The following TAFA1 variants were observed in gnomAD, a reference collection of about 807,000 sequenced individuals.
TAFA1 encodes TAFA chemokine like family member 1.
TAFA1 carries 4 observed loss-of-function variants against 18.5 expected under a neutral mutation model. The ratio of observed to expected loss-of-function variants is 0.22; its 90% confidence interval spans 0.11 to 0.49. The LOEUF is 0.49. Among genes scored for constraint, TAFA1 ranks in the 20% least tolerant of loss-of-function variants. TAFA1 has a pLI of 0.98. For missense variants in TAFA1, 147 were observed against 169.0 expected, an observed-to-expected ratio of 0.87 and a Z score of 0.72; for synonymous variants, 56 against 55.2, an observed-to-expected ratio of 1.01 and a Z score of -0.06.
At chr3:68,297,612 A>G (rs2068232196) in intron 2 of TAFA1, among the ~76,000 whole-genome samples, 1 of 152,194 alleles carries the variant, frequency 6.6e-6, no homozygotes, top group Non-Finnish European at 1.5e-5. Flanking sequence ...TCTTTTAATG[A>G]TAGATATTAT....
chr3:68,314,168 C>G (rs1309814749), intron 2 of TAFA1, among the ~76,000 whole-genome samples: 11 of 152,224 alleles, frequency 7.2e-5, no homozygotes, highest in African/African-American at 9.6e-5. Flanking sequence ...TATGAAAAAT[C>G]TTTAGGAGGA....
At chr3:68,132,400 G>A (rs2065551415) in intron 2 of TAFA1, among the ~76,000 whole-genome samples, 1 of 152,084 alleles carries the variant, frequency 6.6e-6, no homozygotes, top group Admixed American at 6.6e-5. Context: ...CCCAGTAATG[G>A]GATTGCTGGG....
chr3:68,131,763 C>T (rs1326091498), intron 2 of TAFA1, among the ~76,000 whole-genome samples: 8 of 152,170 alleles, frequency 5.3e-5, no homozygotes, highest in Admixed American at 2.6e-4. Context: ...CCAAGAGCCT[C>T]GCTGGGAATC....
intron 2 of TAFA1, among the ~76,000 whole-genome samples, chr3:68,257,705 A>C (rs2067326813): frequency 6.6e-6 from 1 of 152,156 alleles, no homozygotes; most frequent in Non-Finnish European, 1.5e-5. Context: ...AAAGTGGCCA[A>C]CCTTCCCCTA....
chr3:68,032,243 T>C (rs1704950780), intron 2 of TAFA1, among the ~76,000 whole-genome samples: 1 of 152,212 alleles, frequency 6.6e-6, no homozygotes. Flanking sequence ...ACAAACATTT[T>C]CTCTAGATGA....
chr3:68,068,325 C>A (rs1339491989), intron 2 of TAFA1, among the ~76,000 whole-genome samples: 1 of 152,048 alleles, frequency 6.6e-6, no homozygotes, highest in Admixed American at 6.6e-5. Flanking sequence ...TTAATGCATT[C>A]CTCATGGGGT....
chr3:68,500,436 C>A (rs2072637435), intron 3 of TAFA1, among the ~76,000 whole-genome samples: 1 of 152,130 alleles, frequency 6.6e-6, no homozygotes, highest in South Asian at 2.1e-4. Context: ...TATAAAACTT[C>A]TTAATGTCTG....
chr3:68,169,791 G>A (rs569639710), intron 2 of TAFA1, among the ~76,000 whole-genome samples: 2 of 152,270 alleles, frequency 1.3e-5, no homozygotes, highest in South Asian at 2.1e-4. Flanking sequence ...GTAGAGAAAG[G>A]CAACTTCAAT....
At chr3:68,211,096 C>G (rs1452685743) in intron 2 of TAFA1, among the ~76,000 whole-genome samples, 8 of 151,988 alleles carry the variant, frequency 5.3e-5, no homozygotes. Flanking sequence ...GCGAGTGATC[C>G]AAGAGAGAAC....
At position 68,176,894 on chromosome 3, in the gene TAFA1, G is replaced by A. The variant is rs140602567; in HGVS notation, c.118+170150G>A. Among the ~76,000 whole-genome samples, 164 of 152,208 alleles carry A rather than the reference G, an allele frequency of 1.1e-3. 5 individuals are homozygous for A. In the East Asian group the frequency reaches 0.026, roughly 24 times the overall value. ...CAACCTGGGAGTAGATTGTTTACTA[G>A]TTCTGGGAGGAATGTGGGGGGAAAT... On this transcript the variant is annotated intron_variant, in intron 2 of 4. Coordinates refer to ENST00000478136, the MANE Select transcript of TAFA1 (RefSeq NM_213609.4).
intron 4 of TAFA1, among the ~76,000 whole-genome samples, chr3:68,540,586 T>C (rs1246308999): frequency 6.6e-6 from 1 of 152,222 alleles, no homozygotes; most frequent in East Asian, 1.9e-4. Context: ...TTTAAACACA[T>C]TGCTGATATA....
chr3:68,221,843 A>T (rs1242137762), intron 2 of TAFA1, among the ~76,000 whole-genome samples: 1 of 152,176 alleles, frequency 6.6e-6, no homozygotes, highest in Non-Finnish European at 1.5e-5. Flanking sequence ...GACACCACTA[A>T]CAATCACATT....
intron 2 of TAFA1, among the ~76,000 whole-genome samples, chr3:68,341,368 G>A (rs2069079514): frequency 6.6e-6 from 1 of 152,088 alleles, no homozygotes; most frequent in Non-Finnish European, 1.5e-5. Flanking sequence ...AGCCTGTCTG[G>A]GTGGTGTCAG....
intron 3 of TAFA1, among the ~76,000 whole-genome samples, chr3:68,474,566 A>G (rs977085348): frequency 1.3e-5 from 2 of 152,260 alleles, no homozygotes; most frequent in African/African-American, 4.8e-5. Flanking sequence ...CTTGGTCTCT[A>G]GTAACCTGAA....
intron 3 of TAFA1, among the ~76,000 whole-genome samples, chr3:68,486,072 T>TTTTTATTTTTA (rs2072331259): frequency 3.1e-5 from 4 of 127,524 alleles, no homozygotes; most frequent in African/African-American, 1.2e-4. Context: ...TAAATTTTTA[T>TTTTTATTTTTA]TTTTATTTTA....
intron 4 of TAFA1, among the ~76,000 whole-genome samples, chr3:68,544,065 G>T (rs1320809112): frequency 6.6e-6 from 1 of 151,992 alleles, no homozygotes; most frequent in East Asian, 1.9e-4. Context: ...TACATAACAT[G>T]CAAGGCCAGG....
At chr3:68,308,619 A>T (rs941016643) in intron 2 of TAFA1, among the ~76,000 whole-genome samples, 3 of 152,192 alleles carry the variant, frequency 2.0e-5, no homozygotes, top group African/African-American at 7.2e-5. Context: ...TATAGTCAAC[A>T]ATAATGAGGT....
intron 2 of TAFA1, among the ~76,000 whole-genome samples, chr3:68,223,859 G>A (rs2066762277): frequency 1.3e-5 from 2 of 151,920 alleles, no homozygotes; most frequent in South Asian, 2.1e-4. Context: ...GAATCACCAT[G>A]CTTTATTTTA....
At chr3:68,455,910 T>C (rs1180478773) in intron 3 of TAFA1, among the ~76,000 whole-genome samples, 3 of 152,150 alleles carry the variant, frequency 2.0e-5, no homozygotes, top group Non-Finnish European at 4.4e-5. Context: ...TTATAGAGTG[T>C]CACGCTTAAG....
Sources: allele counts gnomAD v4.1 joint callset (sites outside exome capture counted in the v4.1 genomes callset), GRCh38; gene constraint gnomAD v4.1.1; transcripts MANE v1.5; gene names NCBI Gene and HGNC (gene_info 2026-07-23, HGNC 2026-07-21).